The following LRRK1 variants were observed in gnomAD, a reference collection of about 807,000 sequenced individuals.
LRRK1 encodes leucine rich repeat kinase 1, also known as leucine-rich repeat serine/threonine-protein kinase 1.
LRRK1 carries 113 observed loss-of-function variants against 209.1 expected under a neutral mutation model. The observed-to-expected ratio is 0.54, with a 90% CI of 0.46 to 0.63. The LOEUF (loss-of-function observed/expected upper bound fraction) is 0.63, where lower values mean the gene tolerates loss of function less well. Among genes scored for constraint, LRRK1 ranks in the 30% least tolerant of loss-of-function variants. The probability of loss-of-function intolerance (pLI) is 0.00; values close to 1 mark genes in which losing one functional copy is unlikely to be tolerated. For synonymous variants in LRRK1, 1,144 were observed against 1,099.7 expected (o/e 1.04, Z -0.80); for missense variants, 2,284 against 2,632.2 (o/e 0.87, Z 2.89).
At chr15:101,057,086 C>T (rs775110424) in intron 28 of LRRK1, 36 bp downstream of exon 28, 1 of 1,526,680 alleles carries the variant, frequency 6.6e-7, no homozygotes, top group African/African-American at 1.4e-5. Flanking sequence ...CCTGGGACCT[C>T]CTGCCATGTG....
Position 101,001,282 on chromosome 15 carries a change from A to G in LRRK1, c.763-7555A>G, listed in dbSNP as rs373610155. On this transcript the variant is annotated intron_variant, in intron 6 of 33. Transcript: ENST00000388948. Reference sequence around the variant, plus strand: ...ACCTGTAGCCTTGAAATTTACCTTCAGCTTGTGGGCGTCGGTGCACAGACG... The same window carrying G: ...ACCTGTAGCCTTGAAATTTACCTTCGGCTTGTGGGCGTCGGTGCACAGACG... Among the ~76,000 whole-genome samples, 45 of 151,970 alleles carry G rather than the reference A, an allele frequency of 3.0e-4. No individual in the cohort carries two copies. The East Asian group carries it at 3.7e-3, about 12-fold the overall frequency.
chr15:100,943,732 C>T (rs557988752), intron 2 of LRRK1, among the ~76,000 whole-genome samples: 3 of 148,114 alleles, frequency 2.0e-5, no homozygotes, highest in Admixed American at 6.8e-5. Context: ...GGCAGGAGTG[C>T]GATGGTGTGA....
At chr15:101,060,131 G>A (rs1162264995) in intron 29 of LRRK1, among the ~76,000 whole-genome samples, 1 of 152,152 alleles carries the variant, frequency 6.6e-6, no homozygotes, top group South Asian at 2.1e-4. Context: ...AGGGAGGAGG[G>A]GGCTGGCTGG....
chr15:100,921,632 G>C (rs546624867), intron 1 of LRRK1, among the ~76,000 whole-genome samples: 2 of 152,224 alleles, frequency 1.3e-5, no homozygotes, highest in Non-Finnish European at 2.9e-5. Flanking sequence ...TTACTTAGCT[G>C]TCTGCTCCCC....
intron 20 of LRRK1, among the ~76,000 whole-genome samples, chr15:101,041,814 T>C (rs564423387): frequency 1.5e-4 from 23 of 152,200 alleles, no homozygotes; most frequent in Non-Finnish European, 3.2e-4. Flanking sequence ...TACATACCTA[T>C]GATGAAGTTT....
chr15:101,075,997 T>G lies in LRRK1; in HGVS notation c.*7149T>G, dbSNP rs903379522. 3.9e-5 allele frequency: 6 copies of G among 152,208 alleles called. No individual in the cohort carries two copies. Among genetic ancestry groups the G allele is most frequent in the African/African-American group, 1.4e-4 (6 of 41,432 alleles). 9.4% of individuals were successfully genotyped at this position (152,208 alleles called of 1,614,324 possible). ...AGCATAATTCTCATAAAGACACACG[T>G]GCTCTCCCTGCCGATCATGTCCGAT... On this transcript the variant is annotated 3_prime_UTR_variant, in exon 34 of 34. Transcript: ENST00000388948.
intron 28 of LRRK1, 49 bp downstream of exon 28, chr15:101,057,099 G>T (rs773344318): frequency 1.3e-6 from 2 of 1,495,868 alleles, no homozygotes; most frequent in African/African-American, 2.8e-5. Flanking sequence ...GCCATGTGAG[G>T]AAGCTGTGGG....
Position 101,055,153 on chromosome 15 carries a change from C to T in LRRK1, c.4262C>T (p.Ala1421Val). 6.2e-7 allele frequency: 1 copy of T among 1,612,540 alleles called. No individual in the cohort carries two copies. The highest frequency in any genetic ancestry group is 1.1e-5 in the South Asian group (1 of 90,920). The change falls in exon 27 of 34, where the codon GCC (alanine) becomes GTC (valine). Residue 1421 changes from alanine to valine, a missense_variant. Transcript: ENST00000388948. ...TCGAGGCAGTCATTCCATGAGGGCGCCCTAGGCGTGGAGGGCACTCCTGGC... is the reference window on the plus strand; with the variant it reads ...TCGAGGCAGTCATTCCATGAGGGCGTCCTAGGCGTGGAGGGCACTCCTGGC... The part of the protein sequence containing the change: ...GISRQSFHEG[A>V]LGVEGTPGYQ...
At chr15:100,941,304 GTGTGTGTGTC>G (rs747427847) in intron 2 of LRRK1, among the ~76,000 whole-genome samples, 1 of 114,670 alleles carries the variant, frequency 8.7e-6, no homozygotes, top group Admixed American at 8.4e-5. Context: ...GTGTGTCTAT[GTGTGTGTGTC>G]TGTGTGTGTG....
In LRRK1 at chr15:101,008,748, G is replaced by C. The variant is rs556489296; in HGVS notation, c.763-89G>C. The C allele has an allele frequency of 9.0e-6, 9 of 996,132 alleles. 1 individual carries two copies. In the South Asian group the frequency reaches 1.3e-4, roughly 14 times the overall value. The allele number at this position is 996,132 out of a possible 1,614,324, so 61.7% of individuals were successfully genotyped here. ...CGGGCTGGAGCAGGCACACAGACGC[G>C]CATTTGCATTAACCCTTGCTTTATT... On this transcript the variant is annotated intron_variant, in intron 6 of 33. Transcript: ENST00000388948.
chr15:100,976,415 C>T (rs1391476309), intron 3 of LRRK1, among the ~76,000 whole-genome samples: 1 of 152,166 alleles, frequency 6.6e-6, no homozygotes, highest in Non-Finnish European at 1.5e-5. Context: ...ATAGATGGTA[C>T]ACATATGTAA....
At chr15:101,021,635 T>C in intron 13 of LRRK1, 3 of 551,398 alleles carry the variant, frequency 5.4e-6, no homozygotes, top group Non-Finnish European at 9.6e-6. Context: ...TTCTAAGCCG[T>C]GGGGATTTGC....
At chr15:101,060,583 C>T (rs1004110492) in intron 29 of LRRK1, among the ~76,000 whole-genome samples, 1 of 152,228 alleles carries the variant, frequency 6.6e-6, no homozygotes, top group Non-Finnish European at 1.5e-5. Flanking sequence ...GACAGAGCTG[C>T]GTGATGCGGG....
intron 2 of LRRK1, among the ~76,000 whole-genome samples, chr15:100,930,413 C>T (rs563295791): frequency 4.1e-4 from 62 of 152,296 alleles, no homozygotes; most frequent in South Asian, 3.9e-3. Flanking sequence ...CCTGCTTCCC[C>T]ACCCTGCCGT....
chr15:100,962,824 T>TACATATATATATATACACATATATATA (rs1555461505), intron 2 of LRRK1, among the ~76,000 whole-genome samples: 1 of 8,444 alleles, frequency 1.2e-4, no homozygotes, highest in African/African-American at 3.4e-4. Context: ...TATATATATA[T>TACATATATATATATACACATATATATA]TTTTTTTTTT....
rs2033266193 is a variant in LRRK1, at chr15:101,011,878, C to G, written c.1282-130C>G. 5.8e-6 allele frequency: 4 copies of G among 691,344 alleles called. No individual in the cohort carries two copies. In the Admixed American group the frequency reaches 7.8e-5, roughly 13 times the overall value. 42.8% of individuals were successfully genotyped at this position (691,344 alleles called of 1,614,324 possible). ...GGGTGTGCAGCCTTCCAGCAACACT[C>G]AGTCATCTTCATTACAGGACATTAT... On this transcript the variant is annotated intron_variant, in intron 9 of 33. Transcript: ENST00000388948.
At chr15:101,051,466 G>T (rs1010040867) in intron 23 of LRRK1, among the ~76,000 whole-genome samples, 1 of 152,094 alleles carries the variant, frequency 6.6e-6, no homozygotes, top group Non-Finnish European at 1.5e-5. Context: ...TCAGTGTCCC[G>T]ACCACTGGAC....
intron 21 of LRRK1, among the ~76,000 whole-genome samples, chr15:101,047,798 C>A (rs1181004484): frequency 6.6e-6 from 1 of 152,170 alleles, no homozygotes; most frequent in East Asian, 1.9e-4. Context: ...AACGATCAGA[C>A]CCTTCGACCA....
chr15:101,065,570 G>A lies in LRRK1; in HGVS notation c.5133G>A (p.Pro1711=), dbSNP rs527932063. ...CTGAGGTCTGGTACAGCAATGGGCC[G>A]GGCCTCCTTGTCATCGACTGTGCCT... ...SGSEVWYSNG[P]GLLVIDCASL... The change falls in exon 32 of 34, where the codon CCG becomes CCA. Residue 1711 remains proline (P), a synonymous_variant. Coordinates refer to ENST00000388948, the MANE Select transcript of LRRK1 (RefSeq NM_024652.6). 4.2e-5 allele frequency: 67 copies of A among 1,614,220 alleles called. 2 individuals are homozygous for A. The highest frequency in any genetic ancestry group is 3.3e-4 in the Middle Eastern group (2 of 6,062).
Sources: allele counts gnomAD v4.1 joint callset (sites outside exome capture counted in the v4.1 genomes callset), GRCh38; gene constraint gnomAD v4.1.1; transcripts MANE v1.5; gene names NCBI Gene and HGNC (gene_info 2026-07-23, HGNC 2026-07-21).